The following GLRA1 variants were observed in gnomAD, a reference collection of about 807,000 sequenced individuals.
GLRA1 encodes glycine receptor alpha 1, also known as glycine receptor subunit alpha-1.
A neutral mutation model predicts 48.3 loss-of-function variants in GLRA1; 37 were observed. The observed-to-expected ratio is 0.77, with a 90% CI of 0.59 to 1.01. The LOEUF is 1.01. Ranked by LOEUF, GLRA1 falls within the 50% of genes least tolerant of loss-of-function variation. The probability of loss-of-function intolerance (pLI) is 0.00; values close to 1 mark genes in which losing one functional copy is unlikely to be tolerated. For missense variants in GLRA1, 427 were observed against 571.0 expected (o/e 0.75, Z 2.57); for synonymous variants, 196 against 210.7 (o/e 0.93, Z 0.60).
At chr5:151,918,395 A>G (rs937868012) in intron 1 of GLRA1, among the ~76,000 whole-genome samples, 1 of 152,076 alleles carries the variant, frequency 6.6e-6, no homozygotes, top group Non-Finnish European at 1.5e-5. Flanking sequence ...GGACAAGTGC[A>G]TTTTCTGGTA....
chr5:151,886,763 G>A lies in GLRA1; in HGVS notation c.210C>T (p.Asn70=), dbSNP rs1271514742. The A allele has an allele frequency of 1.2e-6, 2 of 1,613,690 alleles. No individual in the cohort carries two copies. The highest frequency in any genetic ancestry group is 1.3e-5 in the African/African-American group (1 of 75,040). ...FKGPPVNVSC[N]IFINSFGSIA... is the part of the protein sequence containing the mutation. ...TGGAACCAAAGCTGTTGATGAAAATGTTGCAGCTCACGTTCACTGGGGGAC... is the reference window on the plus strand; with the variant it reads ...TGGAACCAAAGCTGTTGATGAAAATATTGCAGCTCACGTTCACTGGGGGAC... Residue 70 remains asparagine (N), a synonymous_variant, in exon 3 of 9, where the codon AAC becomes AAT. Transcript: ENST00000274576.
At chr5:151,910,900 G>A (rs10068443) in intron 1 of GLRA1, among the ~76,000 whole-genome samples, 2 of 152,190 alleles carry the variant, frequency 1.3e-5, no homozygotes, top group Non-Finnish European at 2.9e-5. Context: ...AGAAGTTAAG[G>A]TGTGTTAGAG....
At chr5:151,855,526 A>G (rs1753017088) in intron 5 of GLRA1, among the ~76,000 whole-genome samples, 1 of 151,574 alleles carries the variant, frequency 6.6e-6, no homozygotes, top group African/African-American at 2.4e-5. Flanking sequence ...GAACAACTCT[A>G]TTGCACGCTC....
intron 6 of GLRA1, among the ~76,000 whole-genome samples, chr5:151,852,229 T>C (rs1401687957): frequency 6.6e-6 from 1 of 152,202 alleles, no homozygotes; most frequent in Non-Finnish European, 1.5e-5. Context: ...CCCTGAACTT[T>C]CATGTTTCTG....
chr5:151,840,519 A>T (rs1763690176), intron 7 of GLRA1, among the ~76,000 whole-genome samples: 1 of 152,196 alleles, frequency 6.6e-6, no homozygotes, highest in Non-Finnish European at 1.5e-5. Flanking sequence ...TTTTTATTAC[A>T]TTAATTAAAT....
intron 3 of GLRA1, among the ~76,000 whole-genome samples, chr5:151,871,091 C>T (rs1348532817): frequency 6.7e-6 from 1 of 149,364 alleles, no homozygotes; most frequent in Non-Finnish European, 1.5e-5. Context: ...CAGATGGTAC[C>T]AAGACTGCTC....
intron 1 of GLRA1, among the ~76,000 whole-genome samples, chr5:151,919,752 C>T (rs1754828269): frequency 2.0e-5 from 3 of 152,340 alleles, no homozygotes; most frequent in East Asian, 1.9e-4. Flanking sequence ...CTCTCAAGGT[C>T]ATGCCACTAG....
intron 1 of GLRA1, among the ~76,000 whole-genome samples, chr5:151,901,113 A>T (rs549511330): frequency 2.1e-4 from 32 of 152,216 alleles, no homozygotes; most frequent in Non-Finnish European, 4.0e-4. Flanking sequence ...AAATAAGAGA[A>T]AAAGTCATTT....
chr5:151,924,442 C>T (rs535909506), intron 1 of GLRA1, 52 bp downstream of exon 1: 3 of 1,125,238 alleles, frequency 2.7e-6, no homozygotes, highest in African/African-American at 3.1e-5. Context: ...AGCCTCCGTA[C>T]TCTTTCCCCC....
At chr5:151,843,071 A>T (rs1763750051) in intron 7 of GLRA1, among the ~76,000 whole-genome samples, 1 of 152,178 alleles carries the variant, frequency 6.6e-6, no homozygotes, top group Admixed American at 6.5e-5. Context: ...TGAAAACTAG[A>T]AATCTTTTTT....
chr5:151,868,849 T>C (rs1753404130), intron 3 of GLRA1, among the ~76,000 whole-genome samples: 1 of 152,188 alleles, frequency 6.6e-6, no homozygotes, highest in African/African-American at 2.4e-5. Context: ...CCCTGTCTAT[T>C]GCCTGCTTGG....
intron 3 of GLRA1, among the ~76,000 whole-genome samples, chr5:151,864,424 G>T (rs957538164): frequency 6.6e-6 from 1 of 152,216 alleles, no homozygotes; most frequent in African/African-American, 2.4e-5. Flanking sequence ...CCCATAGTGA[G>T]GGTAAGAAAA....
At chr5:151,829,285 A>G (rs1763364490) in intron 7 of GLRA1, among the ~76,000 whole-genome samples, 1 of 152,244 alleles carries the variant, frequency 6.6e-6, no homozygotes, top group South Asian at 2.1e-4. Context: ...TATGGTACCT[A>G]TGACAGTACT....
intron 1 of GLRA1, among the ~76,000 whole-genome samples, chr5:151,895,663 G>T (rs1298213244): frequency 1.3e-5 from 2 of 150,054 alleles, no homozygotes; most frequent in Non-Finnish European, 3.0e-5. Flanking sequence ...GTGTGTGTTT[G>T]AAGCAGTTCA....
Position 151,864,588 on chromosome 5 carries a change from G to A in GLRA1, c.253-4580C>T, listed in dbSNP as rs150440883. ...CAATCCTGTGTGAGGGACACTTTCC[G>A]TCAGCCTCATTGCTCAGGCAAATTC... On this transcript the variant is annotated intron_variant, in intron 3 of 8. Transcript: ENST00000274576. Among the ~76,000 whole-genome samples, 698 of 152,318 alleles carry A rather than the reference G, an allele frequency of 4.6e-3. 11 individuals are homozygous for A. Among genetic ancestry groups the A allele is most frequent in the Non-Finnish European group, 5.1e-3 (349 of 68,032 alleles).
chr5:151,896,002 A>G (rs1200361596), intron 1 of GLRA1, among the ~76,000 whole-genome samples: 1 of 152,198 alleles, frequency 6.6e-6, no homozygotes. Context: ...CCCTCCCAGC[A>G]GTTGCTGGAG....
chr5:151,878,939 C>T (rs777333174), intron 3 of GLRA1, among the ~76,000 whole-genome samples: 5 of 152,364 alleles, frequency 3.3e-5, no homozygotes, highest in Non-Finnish European at 7.3e-5. Flanking sequence ...CCTACTTGGG[C>T]ACCTCCTAGT....
At chr5:151,853,471 G>T (rs1229189948) in intron 6 of GLRA1, among the ~76,000 whole-genome samples, 1 of 150,700 alleles carries the variant, frequency 6.6e-6, no homozygotes, top group East Asian at 1.9e-4. Flanking sequence ...GGTTAGGCTG[G>T]TCTAAAACTC....
intron 1 of GLRA1, among the ~76,000 whole-genome samples, chr5:151,922,782 G>A (rs1360675602): frequency 6.6e-6 from 1 of 152,188 alleles, no homozygotes; most frequent in Non-Finnish European, 1.5e-5. Flanking sequence ...GGAAAATCAA[G>A]CATTGCATAC....
Sources: allele counts gnomAD v4.1 joint callset (sites outside exome capture counted in the v4.1 genomes callset), GRCh38; gene constraint gnomAD v4.1.1; transcripts MANE v1.5; gene names NCBI Gene and HGNC (gene_info 2026-07-23, HGNC 2026-07-21).